Variants in TSPAN14 observed in about 807,000 individuals in gnomAD.
The protein encoded by TSPAN14 is tetraspanin 14.
In TSPAN14, 16 loss-of-function variants were observed where a neutral mutation model predicts 36.6. The ratio of observed to expected loss-of-function variants is 0.44; its 90% CI spans 0.30 to 0.66. TSPAN14 has a LOEUF of 0.66. Among genes scored for constraint, TSPAN14 ranks in the 30% least tolerant of loss-of-function variants. The pLI, the probability that TSPAN14 is intolerant of heterozygous loss-of-function variation, is 0.12. For synonymous variants in TSPAN14, 139 were observed against 143.8 expected (o/e 0.97, Z 0.24); for missense variants, 231 against 355.1 (o/e 0.65, Z 2.81).
chr10:80,509,217 T>G lies in TSPAN14; in HGVS notation c.280-84T>G. The G allele has an allele frequency of 6.9e-7, 1 of 1,447,386 alleles. No individual in the cohort carries two copies. Among genetic ancestry groups the G allele is most frequent in the Non-Finnish European group, 9.5e-7 (1 of 1,057,750 alleles). The allele number at this position is 1,447,386 out of a possible 1,614,324, so 89.7% of individuals were successfully genotyped here. A position where few individuals can be genotyped will look rare whatever the true frequency, so the allele number is the denominator to read the frequency against. On this transcript the variant is annotated intron_variant, in intron 4 of 8. Transcript: ENST00000429989. This position sits in a 1 kb window ranked among gnomAD's most constrained non-coding sequence, Gnocchi z 4.7. Reference sequence around the variant, plus strand: ...AGAGCCCACGCTCTGCTGAGGATGGTGGTTCTGGGTCAGGTGGGGTTATGT... The same window carrying G: ...AGAGCCCACGCTCTGCTGAGGATGGGGGTTCTGGGTCAGGTGGGGTTATGT...
exon 9 of TSPAN14, chr10:80,521,755 C>T (rs1841275630): frequency 6.6e-6 from 1 of 152,126 alleles, no homozygotes; most frequent in African/African-American, 2.4e-5. Context: ...AACCCCTTCT[C>T]TACTAAAAAT....
chr10:80,469,347 GATAA>G (rs72397982), intron 1 of TSPAN14, among the ~76,000 whole-genome samples: 4,911 of 152,308 alleles, frequency 0.032, 182 homozygotes, highest in East Asian at 0.088. Context: ...GTATGTTGAA[GATAA>G]ATAAATAGTC....
At chr10:80,494,365 C>A (rs1304494832) in intron 2 of TSPAN14, among the ~76,000 whole-genome samples, 3 of 152,192 alleles carry the variant, frequency 2.0e-5, no homozygotes, top group Admixed American at 6.5e-5. Context: ...CAACTTTTGA[C>A]AGTAAGAGAA....
At chr10:80,480,523 A>G (rs1332564981) in intron 1 of TSPAN14, among the ~76,000 whole-genome samples, 1 of 152,238 alleles carries the variant, frequency 6.6e-6, no homozygotes, top group East Asian at 1.9e-4. Context: ...AAGACTCGGA[A>G]CCAACCCAAA....
intron 1 of TSPAN14, among the ~76,000 whole-genome samples, chr10:80,475,116 CCTGA>C (rs751204040): frequency 1.1e-4 from 17 of 152,318 alleles, no homozygotes; most frequent in Admixed American, 2.6e-4. Flanking sequence ...GAGCCAAGGG[CCTGA>C]CTTCTTTGGG....
intron 1 of TSPAN14, among the ~76,000 whole-genome samples, chr10:80,457,154 AC>A (rs879929371): frequency 4.6e-5 from 7 of 152,218 alleles, no homozygotes; most frequent in South Asian, 4.1e-4. Context: ...TCACAGAGTA[AC>A]TTGCTTGAAG....
chr10:80,468,294 C>G (rs767280669), intron 1 of TSPAN14, among the ~76,000 whole-genome samples: 1 of 152,028 alleles, frequency 6.6e-6, no homozygotes, highest in Admixed American at 6.5e-5. Flanking sequence ...TCTGCCGGCA[C>G]GAACACAGGA....
intron 1 of TSPAN14, among the ~76,000 whole-genome samples, chr10:80,475,441 C>T (rs755966651): frequency 3.9e-5 from 6 of 152,142 alleles, no homozygotes; most frequent in Non-Finnish European, 7.4e-5. Context: ...TGGTACACAC[C>T]TGTGGTCCCA....
intron 1 of TSPAN14, among the ~76,000 whole-genome samples, chr10:80,457,370 G>C (rs1845782475): frequency 6.6e-6 from 1 of 151,996 alleles, no homozygotes; most frequent in Non-Finnish European, 1.5e-5. Context: ...TGTATTTTTA[G>C]TAGAGATGGG....
chr10:80,467,829 T>C (rs1322831107), intron 1 of TSPAN14, among the ~76,000 whole-genome samples: 2 of 152,170 alleles, frequency 1.3e-5, no homozygotes, highest in African/African-American at 4.8e-5. Flanking sequence ...ATGAGTAGTC[T>C]TACCTTGGAC....
At chr10:80,522,615 A>G (rs1841319100) in exon 9 of TSPAN14, 1 of 152,262 alleles carries the variant, frequency 6.6e-6, no homozygotes, top group Admixed American at 6.5e-5. Context: ...AAAAATCTAA[A>G]CATAAGAGAA....
exon 9 of TSPAN14, chr10:80,519,687 G>A (rs1483659244): frequency 1.3e-5 from 2 of 152,456 alleles, no homozygotes; most frequent in Non-Finnish European, 2.9e-5. Flanking sequence ...AAGCATCTCA[G>A]TGGTAAACGC....
At chr10:80,501,957 T>A (rs1848546127) in intron 2 of TSPAN14, among the ~76,000 whole-genome samples, 1 of 152,180 alleles carries the variant, frequency 6.6e-6, no homozygotes, top group South Asian at 2.1e-4. Context: ...CAGAAGGGCT[T>A]AGCTGGGGAG....
At chr10:80,504,657 G>A (rs1840188594) in intron 2 of TSPAN14, 71 bp from the exon 3 acceptor site, 6 of 1,590,174 alleles carry the variant, frequency 3.8e-6, no homozygotes, top group South Asian at 3.3e-5. Context: ...TGTGGACTTT[G>A]CTCTGTGAAG....
At chr10:80,484,675 T>G (rs535718951) in intron 1 of TSPAN14, among the ~76,000 whole-genome samples, 1 of 152,370 alleles carries the variant, frequency 6.6e-6, no homozygotes, top group East Asian at 1.9e-4. Context: ...TGTGTCATAA[T>G]TTTTTCAGCT....
At chr10:80,474,995 G>A (rs1291114054) in intron 1 of TSPAN14, among the ~76,000 whole-genome samples, 1 of 152,158 alleles carries the variant, frequency 6.6e-6, no homozygotes, top group Non-Finnish European at 1.5e-5. Flanking sequence ...AATGGGCATC[G>A]TCCAAACAGG....
At chr10:80,508,496 C>CAGTGAT (rs1840433678) in intron 4 of TSPAN14, among the ~76,000 whole-genome samples, 2 of 152,118 alleles carry the variant, frequency 1.3e-5, no homozygotes, top group Admixed American at 6.5e-5. Flanking sequence ...CTTATATGGC[C>CAGTGAT]AGTGATAATG....
At chr10:80,489,907 TAGAC>T (rs1382662398) in intron 2 of TSPAN14, among the ~76,000 whole-genome samples, 1 of 152,016 alleles carries the variant, frequency 6.6e-6, no homozygotes, top group African/African-American at 2.4e-5. Context: ...ATGCTCCAGA[TAGAC>T]AGAATGGCAG....
intron 2 of TSPAN14, among the ~76,000 whole-genome samples, chr10:80,492,747 C>T (rs1319111349): frequency 1.3e-5 from 2 of 151,730 alleles, no homozygotes; most frequent in East Asian, 3.9e-4. Flanking sequence ...ACCCGGGAGG[C>T]GGAGCTTGCA....
Sources: gnomAD v4.1 joint callset for allele counts (sites outside exome capture counted in the v4.1 genomes callset) on GRCh38, gnomAD v4.1.1 for gene constraint, Gnocchi (gnomAD v3.1) non-coding constraint, MANE v1.5 for transcripts, NCBI Gene and HGNC (gene_info 2026-07-23, HGNC 2026-07-21) for gene names.